The following DNAH2 variants were observed in gnomAD, a reference collection of about 807,000 sequenced individuals.
DNAH2 encodes axonemal beta dynein heavy chain 2.
Under a neutral mutation model 523.5 loss-of-function variants are expected in DNAH2, and 323 were observed. That is an observed-to-expected ratio of 0.62 (90% CI 0.56 to 0.68). The LOEUF is 0.68. Among genes scored for constraint, DNAH2 ranks in the 30% least tolerant of loss-of-function variants. The pLI is 0.00. For missense variants in DNAH2, 4,907 were observed against 5,701.5 expected (o/e 0.86, Z 4.49); for synonymous variants, 2,093 against 2,177.4 (o/e 0.96, Z 1.08).
Position 7,766,329 on chromosome 17 carries a change from A to G in DNAH2, c.3523A>G (p.Ser1175Gly). 6.2e-7 allele frequency: 1 copy of G among 1,613,590 alleles called. No homozygotes were observed. Among genetic ancestry groups the G allele is most frequent in the South Asian group, 1.1e-5 (1 of 91,044 alleles). ...EDFEFKGHFT[S>G]NVGYMSALDQ... is the part of the protein sequence containing the mutation. Reference sequence around the variant, plus strand: ...TGAATCCTCCACAGGCCATTTCACCAGCAACGTGGGATACATGTCTGCCTT... The same window carrying G: ...TGAATCCTCCACAGGCCATTTCACCGGCAACGTGGGATACATGTCTGCCTT... Residue 1175 changes from serine to glycine, a missense_variant, in exon 22 of 86, where the codon AGC becomes GGC. By Grantham distance (56) the Ser-to-Gly change is moderately conservative (BLOSUM62 0). This residue lies in a region of DNAH2 where 2,806 missense variants were observed against 3,190.8 expected (regional missense o/e 0.88). Coordinates refer to ENST00000572933, the MANE Select transcript of DNAH2 (RefSeq NM_020877.5).
chr17:7,729,300 A>G (rs1282055064), intron 4 of DNAH2, among the ~76,000 whole-genome samples: 1 of 151,790 alleles, frequency 6.6e-6, no homozygotes, highest in Non-Finnish European at 1.5e-5. Context: ...AGTCCCAGCT[A>G]CTGTGGAGGC....
At position 7,824,218 on chromosome 17, in the gene DNAH2, G is replaced by A; in HGVS notation, c.11576G>A (p.Gly3859Asp). The A allele has an allele frequency of 6.2e-7, 1 of 1,606,820 alleles. No individual in the cohort carries two copies. ...SALLQLAEHMGMAQRFHALSL... is the reference protein window; with the variant it reads ...SALLQLAEHMDMAQRFHALSL... ...CTGCTGCAGCTGGCAGAGCACATGG[G>A]CATGGCCCAGCGCTTCCACGCCCTG... Residue 3859 changes from glycine (G) to aspartate (D), a missense_variant, in exon 76 of 86, where the codon GGC becomes GAC. Gly to Asp is a moderately conservative substitution (Grantham distance 94, BLOSUM62 -1). This residue lies in a region of DNAH2 where 1,851 missense variants were observed against 2,139.4 expected (regional missense o/e 0.87). Transcript: ENST00000572933.
At chr17:7,756,356 A>C (rs2151189194) in intron 12 of DNAH2, among the ~76,000 whole-genome samples, 1 of 151,994 alleles carries the variant, frequency 6.6e-6, no homozygotes, top group East Asian at 2.0e-4. Flanking sequence ...GCTCACTGCA[A>C]CCTCCACCTC....
intron 28 of DNAH2, among the ~76,000 whole-genome samples, chr17:7,772,679 T>C (rs1188285512): frequency 6.6e-6 from 1 of 152,222 alleles, no homozygotes; most frequent in Non-Finnish European, 1.5e-5. Context: ...TATGGGGCTG[T>C]AGGCTGGGAG....
intron 7 of DNAH2, 64 bp downstream of exon 7, chr17:7,734,772 G>A (rs932751683): frequency 1.9e-6 from 3 of 1,545,934 alleles, no homozygotes; most frequent in Non-Finnish European, 2.7e-6. Context: ...GATGATACAG[G>A]GAGCTAAGTA....
At chr17:7,758,685 A>G (rs1221046817) in intron 14 of DNAH2, 34 bp downstream of exon 14, 2 of 1,594,760 alleles carry the variant, frequency 1.3e-6, no homozygotes, top group Non-Finnish European at 1.7e-6. Flanking sequence ...AAAGGTCTGC[A>G]AGGCTGATGG....
At position 7,806,515 on chromosome 17, in the gene DNAH2, C is replaced by T. The variant is rs942016897; in HGVS notation, c.9443-635C>T. Among the ~76,000 whole-genome samples, 32 of 151,814 alleles carry T rather than the reference C, an allele frequency of 2.1e-4. 1 individual carries two copies. Among genetic ancestry groups the T allele is most frequent in the South Asian group, 4.2e-4 (2 of 4,792 alleles). On this transcript the variant is annotated intron_variant, in intron 61 of 85. Coordinates refer to ENST00000572933, the MANE Select transcript of DNAH2 (RefSeq NM_020877.5). ...TACTACAAAATACAAAAAAATTAGC[C>T]GGGTGTGGTGGCAGGCACCTGTAGT... is the stretch of plus-strand genomic sequence containing the variant.
intron 48 of DNAH2, among the ~76,000 whole-genome samples, chr17:7,793,704 A>G (rs1218044422): frequency 2.0e-5 from 3 of 151,750 alleles, no homozygotes; most frequent in Non-Finnish European, 4.4e-5. Context: ...GGCTCAAGAG[A>G]TCCTCCCATC....
Position 7,733,329 on chromosome 17 carries a change from C to T in DNAH2, c.628+14C>T. On this transcript the variant is annotated intron_variant, in intron 5 of 85. Transcript: ENST00000572933. ...CCTGCCTGACAGGTAAGTGGGAAGA[C>T]CGGAGTGACTAGTTTCTCCTTAGTG... The T allele has an allele frequency of 6.2e-7, 1 of 1,613,026 alleles. No individual in the cohort carries two copies. The highest frequency in any genetic ancestry group is 8.5e-7 in the Non-Finnish European group (1 of 1,179,556).
intron 1 of DNAH2, among the ~76,000 whole-genome samples, 172 bp downstream of exon 1, chr17:7,718,971 CCT>C (rs1259247937): frequency 6.6e-6 from 1 of 152,086 alleles, no homozygotes; most frequent in Non-Finnish European, 1.5e-5. Flanking sequence ...CTTCCTTGAT[CCT>C]CTCTCACTCA....
rs768386761 is a variant in DNAH2 at position 7,774,748 on chromosome 17, C to T, written c.4502-11C>T. On this transcript the variant is annotated splice_polypyrimidine_tract_variant and intron_variant, in intron 28 of 85. Coordinates refer to ENST00000572933, the MANE Select transcript of DNAH2 (RefSeq NM_020877.5). ...AATGAATCAAATGTCATTCATCGCT[C>T]TTCTTCCCAGGCCTCCTGGACACAT... 4.1e-5 allele frequency: 66 copies of T among 1,611,030 alleles called. No individual in the cohort carries two copies. The highest frequency in any genetic ancestry group is 5.4e-5 in the Non-Finnish European group (64 of 1,177,812).
At position 7,807,670 on chromosome 17, in the gene DNAH2, T is replaced by G; in HGVS notation, c.9729+84T>G. 8.2e-7 allele frequency: 1 copy of G among 1,215,282 alleles called. No homozygotes were observed. Among genetic ancestry groups the G allele is most frequent in the South Asian group, 1.3e-5 (1 of 76,980 alleles). The allele number at this position is 1,215,282 out of a possible 1,614,324, so 75.3% of individuals were successfully genotyped here. A position where few individuals can be genotyped will look rare whatever the true frequency, so the allele number is the denominator to read the frequency against. ...CATTAAGCATTTGTTTTCCCCCATC[T>G]AATTCTAGCCCCCTTCCCCATGTCC... On this transcript the variant is annotated intron_variant, in intron 63 of 85. Coordinates refer to ENST00000572933, the MANE Select transcript of DNAH2 (RefSeq NM_020877.5). This position sits in a 1 kb window ranked among gnomAD's most constrained non-coding sequence, Gnocchi z 5.6.
rs1259228516 is a variant in DNAH2, at chr17:7,780,532, T to C, written c.5851-98T>C. The C allele has an allele frequency of 6.5e-6, 10 of 1,544,778 alleles. No individual in the cohort carries two copies. Among genetic ancestry groups the C allele is most frequent in the South Asian group, 4.7e-5 (4 of 85,062 alleles). ...CATAGAGTGCCTCCTAGCTGCTTCA[T>C]GTCCTGGGACCTGGCTTCTTGTCTC... On this transcript the variant is annotated intron_variant, in intron 37 of 85. Transcript: ENST00000572933. This position sits in a 1 kb window ranked among gnomAD's most constrained non-coding sequence, Gnocchi z 4.4.
In DNAH2 at chr17:7,764,186, C is replaced by T. The variant is rs148525242; in HGVS notation, c.3249C>T (p.His1083=). ...VSLQLVDALK[H]DLANVETQIP... ...TGCAGCTCGTGGATGCCCTGAAGCACGACTTGGCCAACGTGGAGACTCAGA... is the reference window on the plus strand; with the variant it reads ...TGCAGCTCGTGGATGCCCTGAAGCATGACTTGGCCAACGTGGAGACTCAGA... The change falls in exon 20 of 86, where the codon CAC becomes CAT. Residue 1083 remains histidine, a synonymous_variant. Transcript: ENST00000572933. 51 of 1,614,058 alleles carry T rather than the reference C, an allele frequency of 3.2e-5. No homozygotes were observed. The highest frequency in any genetic ancestry group is 2.5e-4 in the African/African-American group (19 of 74,922).
Position 7,775,008 on chromosome 17 carries a change from G to A in DNAH2, c.4719+32G>A, listed in dbSNP as rs200513512. The A allele has an allele frequency of 2.7e-5, 43 of 1,606,108 alleles. No homozygotes were observed. In the African/African-American group the frequency reaches 4.8e-4, roughly 18 times the overall value. ...AGAAGTGGCCACAGTGAGATGCTGG[G>A]TGGCGAAGGGAGGGTGTTGGGGTAT... On this transcript the variant is annotated intron_variant, in intron 29 of 85. Transcript: ENST00000572933.
In DNAH2 at chr17:7,832,059, A is replaced by G. The variant is rs1376219029; in HGVS notation, c.12726+284A>G. On this transcript the variant is annotated intron_variant, in intron 82 of 85. Transcript: ENST00000572933. This position sits in a 1 kb window ranked among gnomAD's most constrained non-coding sequence, Gnocchi z 4.3. ...ACTCAGTAGGTGCTTCATCAATGCTACCTGGTTAATATTACTGCGGTCATT... is the reference window on the plus strand; with the variant it reads ...ACTCAGTAGGTGCTTCATCAATGCTGCCTGGTTAATATTACTGCGGTCATT... 6.6e-6 allele frequency among the ~76,000 whole-genome samples: 1 copy of G among 152,182 alleles called. No individual in the cohort carries two copies. Among genetic ancestry groups the G allele is most frequent in the Non-Finnish European group, 1.5e-5 (1 of 68,038 alleles).
In DNAH2 at chr17:7,778,483, C is replaced by T; in HGVS notation, c.5541+14C>T. On this transcript the variant is annotated intron_variant, in intron 35 of 85. Coordinates refer to ENST00000572933, the MANE Select transcript of DNAH2 (RefSeq NM_020877.5). ...GGTCTGGCCCAGGTCAGTATCCTGC[C>T]ACCCTGTGCCAGAAGCCCCTTAAAT... 1 of 1,589,050 alleles carries T rather than the reference C, an allele frequency of 6.3e-7. No homozygotes were observed. The highest frequency in any genetic ancestry group is 8.6e-7 in the Non-Finnish European group (1 of 1,166,016).
At position 7,755,750 on chromosome 17, in the gene DNAH2, G is replaced by A. The variant is rs576497590; in HGVS notation, c.1905-1341G>A. ...GAAGGAGGAGGCCACTGGATATGAG[G>A]TGGCAAAGGACACTTAAGATGAAGG... On this transcript the variant is annotated intron_variant, in intron 12 of 85. Transcript: ENST00000572933. 6.4e-4 allele frequency among the ~76,000 whole-genome samples: 98 copies of A among 152,144 alleles called. 1 individual carries two copies. Among genetic ancestry groups the A allele is most frequent in the South Asian group, 1.2e-3 (6 of 4,820 alleles).
chr17:7,732,625 A>T (rs2075022509), intron 4 of DNAH2, among the ~76,000 whole-genome samples: 1 of 152,160 alleles, frequency 6.6e-6, no homozygotes, highest in South Asian at 2.1e-4. Context: ...CAAAAGCCAT[A>T]AGCAAAATTG....
Sources: allele counts gnomAD v4.1 joint callset (sites outside exome capture counted in the v4.1 genomes callset), GRCh38; gene constraint gnomAD v4.1.1; regional missense constraint gnomAD v4.1.1; non-coding constraint Gnocchi (gnomAD v3.1); transcripts MANE v1.5; gene names NCBI Gene and HGNC (gene_info 2026-07-23, HGNC 2026-07-21).